CYP4F3: variants seen among roughly 807,000 people sequenced by gnomAD.
CYP4F3 encodes the protein cytochrome P450 family 4 subfamily F member 3, also known as cytochrome P450 4F3.
Under a neutral mutation model 54.8 loss-of-function variants are expected in CYP4F3, and 50 were observed. That is an observed-to-expected ratio of 0.91 (90% CI 0.73 to 1.16). The LOEUF (loss-of-function observed/expected upper bound fraction) is 1.16. Ranked by LOEUF, CYP4F3 falls within the 50% of genes most tolerant of loss-of-function variation. The probability of loss-of-function intolerance (pLI) is 0.00; values close to 1 mark genes in which losing one functional copy is unlikely to be tolerated. For missense variants in CYP4F3, 715 were observed against 676.2 expected (o/e 1.06, Z -0.64); for synonymous variants, 244 against 262.6 (o/e 0.93, Z 0.69).
chr19:15,658,606 G>C (rs370581360), intron 11 of CYP4F3, 51 bp downstream of exon 11: 2 of 1,612,202 alleles, frequency 1.2e-6, no homozygotes, highest in Admixed American at 1.7e-5. Flanking sequence ...CCTAGAGGAG[G>C]GGGCAGGGTT....
chr19:15,648,463 CTG>C (rs776671970), intron 5 of CYP4F3, among the ~76,000 whole-genome samples: 3 of 152,028 alleles, frequency 2.0e-5, no homozygotes, highest in Non-Finnish European at 2.9e-5. Flanking sequence ...AAACACAACT[CTG>C]AGAAATTTTT....
chr19:15,658,476 C>T lies in CYP4F3; in HGVS notation c.1250-15C>T, dbSNP rs1973091937. 6.2e-7 allele frequency: 1 copy of T among 1,614,166 alleles called. No individual in the cohort carries two copies. The highest frequency in any genetic ancestry group is 8.5e-7 in the Non-Finnish European group (1 of 1,180,010). On this transcript the variant is annotated splice_polypyrimidine_tract_variant and intron_variant, in intron 10 of 12. Transcript: ENST00000221307. ...GCAGGGAGCATTGTCCTGACTGCCC[C>T]CTTCTCTCCCACAGGCATTATCTGC...
intron 9 of CYP4F3, 93 bp from the exon 10 acceptor site, chr19:15,658,171 C>T: frequency 6.4e-7 from 1 of 1,564,878 alleles, no homozygotes; most frequent in Non-Finnish European, 8.6e-7. Context: ...TATTTCGTTA[C>T]AGGGAGAAAA....
At chr19:15,658,893 T>C in intron 12 of CYP4F3, 84 bp downstream of exon 12, 1 of 1,521,480 alleles carries the variant, frequency 6.6e-7, no homozygotes, top group East Asian at 2.3e-5. Context: ...GGGGACATTG[T>C]AGACGGTCCG....
rs1431199876 is a variant in CYP4F3 at position 15,658,405 on chromosome 19, A to G, written c.1249+8A>G. ...GCCGGGTCATCCCCAAAGGTGCCAC[A>G]GCCTCAGGGGGAGGAGCCTCCTGGG... On this transcript the variant is annotated splice_region_variant and intron_variant, in intron 10 of 12. Coordinates refer to ENST00000221307, the MANE Select transcript of CYP4F3 (RefSeq NM_000896.3). The G allele has an allele frequency of 1.2e-6, 2 of 1,613,534 alleles. No homozygotes were observed. Among genetic ancestry groups the G allele is most frequent in the African/African-American group, 2.7e-5 (2 of 74,918 alleles).
At position 15,659,972 on chromosome 19, in the gene CYP4F3, T is replaced by A. The variant is rs1337758663; in HGVS notation, c.*587T>A. On this transcript the variant is annotated 3_prime_UTR_variant, in exon 13 of 13. Transcript: ENST00000221307. ...TGTGAGTGCACTAAATGCTATTGAA[T>A]TGGACACTTTAGAATGGTTGAAATA... 6.6e-6 allele frequency: 1 copy of A among 152,356 alleles called. No individual in the cohort carries two copies. Among genetic ancestry groups the A allele is most frequent in the Non-Finnish European group, 1.5e-5 (1 of 68,164 alleles). 9.4% of individuals were successfully genotyped at this position (152,356 alleles called of 1,614,324 possible).
chr19:15,642,138 G>A (rs2144627978), intron 2 of CYP4F3, among the ~76,000 whole-genome samples: 1 of 152,244 alleles, frequency 6.6e-6, no homozygotes, highest in Admixed American at 6.5e-5. Flanking sequence ...ATAAAAGTTG[G>A]CCACTCACTT....
At chr19:15,656,479 ATC>A (rs1478927100) in intron 9 of CYP4F3, among the ~76,000 whole-genome samples, 3 of 64,576 alleles carry the variant, frequency 4.6e-5, no homozygotes, top group African/African-American at 3.1e-4. Flanking sequence ...TTATCTATCT[ATC>A]TATCTATCTA....
chr19:15,659,069 A>C, intron 12 of CYP4F3, 151 bp from the exon 13 acceptor site: 1 of 1,250,576 alleles, frequency 8.0e-7, no homozygotes, highest in South Asian at 1.5e-5. Flanking sequence ...CAGGATATGC[A>C]AGCCCACATG....
intron 9 of CYP4F3, among the ~76,000 whole-genome samples, chr19:15,655,826 G>A (rs2144669834): frequency 6.6e-6 from 1 of 152,218 alleles, no homozygotes; most frequent in African/African-American, 2.4e-5. Flanking sequence ...ATGTTTAGAG[G>A]CACAGTATGA....
intron 5 of CYP4F3, among the ~76,000 whole-genome samples, chr19:15,648,368 G>A (rs1278654637): frequency 2.6e-5 from 4 of 151,792 alleles, no homozygotes; most frequent in Non-Finnish European, 5.9e-5. Flanking sequence ...ACAGGGAAGG[G>A]GCATTAGGCT....
chr19:15,642,287 A>G (rs1972487154), intron 2 of CYP4F3, among the ~76,000 whole-genome samples: 1 of 152,174 alleles, frequency 6.6e-6, no homozygotes, highest in Non-Finnish European at 1.5e-5. Flanking sequence ...CCACAGGTGA[A>G]GTGGGAGGGT....
chr19:15,645,882 A>T lies in CYP4F3; in HGVS notation c.343+19A>T. The T allele has an allele frequency of 6.3e-7, 1 of 1,586,922 alleles. No homozygotes were observed. The highest frequency in any genetic ancestry group is 8.6e-7 in the Non-Finnish European group (1 of 1,164,176). On this transcript the variant is annotated intron_variant, in intron 3 of 12. Coordinates refer to ENST00000221307, the MANE Select transcript of CYP4F3 (RefSeq NM_000896.3). ...GCTCCAGGTAGACACTGCACTGGCC[A>T]CTCCAGGTAGACACTGCACTGGCCA... is the stretch of plus-strand genomic sequence containing the variant.
intron 7 of CYP4F3, 34 bp from the exon 8 acceptor site, chr19:15,652,535 G>C: frequency 6.2e-7 from 1 of 1,612,814 alleles, no homozygotes; most frequent in Non-Finnish European, 8.5e-7. Context: ...CTTTTTATGG[G>C]GGTGGGGGTG....
Position 15,649,369 on chromosome 19 carries a change from G to T in CYP4F3, c.647+88G>T, listed in dbSNP as rs1568396226. The T allele has an allele frequency of 2.5e-6, 4 of 1,596,382 alleles. No individual in the cohort carries two copies. In the South Asian group the frequency reaches 4.4e-5, roughly 18 times the overall value. ...TGGGGAGGACTGAGCAGGGAAATCA[G>T]ACAAACCTTCTTGGAGGAGTTGTTA... On this transcript the variant is annotated intron_variant, in intron 6 of 12. Transcript: ENST00000221307.
At position 15,660,202 on chromosome 19, in the gene CYP4F3, A is replaced by C. The variant is rs1263306836; in HGVS notation, c.*817A>C. 7.4e-6 allele frequency: 1 copy of C among 134,994 alleles called. No homozygotes were observed. Among genetic ancestry groups the C allele is most frequent in the Non-Finnish European group, 1.5e-5 (1 of 65,162 alleles). 8.4% of individuals were successfully genotyped at this position (134,994 alleles called of 1,614,324 possible). ...TTTTAAAAATATGTAATTTTAGAAAATAATTTAAAAGGTTTTGTTTCAGTT... is the reference window on the plus strand; with the variant it reads ...TTTTAAAAATATGTAATTTTAGAAACTAATTTAAAAGGTTTTGTTTCAGTT... On this transcript the variant is annotated 3_prime_UTR_variant, in exon 13 of 13. Transcript: ENST00000221307.
chr19:15,653,544 C>T (rs1972923952), intron 9 of CYP4F3, among the ~76,000 whole-genome samples: 2 of 152,256 alleles, frequency 1.3e-5, no homozygotes, highest in Non-Finnish European at 2.9e-5. Context: ...GGGGAACTGT[C>T]CCTGGGCAGG....
In CYP4F3 at chr19:15,661,697, GTTTC is replaced by G. The variant is rs1973187365; in HGVS notation, c.*2321_*2324del. On this transcript the variant is annotated 3_prime_UTR_variant, in exon 13 of 13. Coordinates refer to ENST00000221307, the MANE Select transcript of CYP4F3 (RefSeq NM_000896.3). ...GCAAGTCTTCTTCCTAGTCTCTGAA[GTTTC>G]TTTCTTTCATAGAGCAAACGTTTTA... 1 of 152,154 alleles carries G rather than the reference GTTTC, an allele frequency of 6.6e-6. No homozygotes were observed. The highest frequency in any genetic ancestry group is 1.5e-5 in the Non-Finnish European group (1 of 68,030). 9.4% of individuals were successfully genotyped at this position (152,154 alleles called of 1,614,324 possible).
At chr19:15,654,868 A>AATTTCTTCT (rs1972972120) in intron 9 of CYP4F3, among the ~76,000 whole-genome samples, 1 of 152,178 alleles carries the variant, frequency 6.6e-6, no homozygotes, top group Admixed American at 6.5e-5. Context: ...TTGGGATAGA[A>AATTTCTTCT]ATTTCTTCTC....
Sources: gnomAD v4.1 joint callset for allele counts (sites outside exome capture counted in the v4.1 genomes callset) on GRCh38, gnomAD v4.1.1 for gene constraint, MANE v1.5 for transcripts, NCBI Gene and HGNC (gene_info 2026-07-23, HGNC 2026-07-21) for gene names.